ROBO2: variants seen among roughly 807,000 people sequenced by gnomAD.
ROBO2 encodes the protein roundabout guidance receptor 2.
Under a neutral mutation model 160.8 loss-of-function variants are expected in ROBO2, and 53 were observed. That is an observed-to-expected ratio of 0.33 (90% CI 0.26 to 0.41). The LOEUF (loss-of-function observed/expected upper bound fraction) is 0.41. Ranked by LOEUF, ROBO2 falls within the 10% of genes least tolerant of loss-of-function variation. ROBO2 has a pLI of 1.00. For synonymous variants in ROBO2, 664 were observed against 611.7 expected, an observed-to-expected ratio of 1.09 and a Z score of -1.26; for missense variants, 1,577 against 1,722.4, an observed-to-expected ratio of 0.92 and a Z score of 1.49.
chr3:77,552,880 T>C (rs1380275490), intron 8 of ROBO2, among the ~76,000 whole-genome samples: 7 of 152,036 alleles, frequency 4.6e-5, no homozygotes, highest in Non-Finnish European at 1.0e-4. Context: ...AATGATTTAA[T>C]ACTATCTGAG....
intron 2 of ROBO2, among the ~76,000 whole-genome samples, chr3:77,407,989 G>C (rs2076392234): frequency 6.6e-6 from 1 of 151,848 alleles, no homozygotes; most frequent in Non-Finnish European, 1.5e-5. Flanking sequence ...ATGCTGGAAA[G>C]GTGCATGCAC....
chr3:76,512,251 G>A (rs2081129434), intron 2 of ROBO2, among the ~76,000 whole-genome samples: 2 of 148,928 alleles, frequency 1.3e-5, no homozygotes, highest in South Asian at 2.1e-4. Context: ...ATATATATAT[G>A]GAACTTACTA....
chr3:77,041,191 A>G (rs1295854086), intron 1 of ROBO2, among the ~76,000 whole-genome samples: 2 of 152,226 alleles, frequency 1.3e-5, no homozygotes, highest in Middle Eastern at 3.2e-3. Context: ...CCTGCTCTCT[A>G]TTTGATGTTT....
intron 2 of ROBO2, among the ~76,000 whole-genome samples, chr3:76,755,760 T>C (rs1273147227): frequency 6.6e-6 from 1 of 151,886 alleles, no homozygotes; most frequent in Non-Finnish European, 1.5e-5. Flanking sequence ...TTTTGTTTTG[T>C]CCATGGGGTT....
chr3:76,442,031 C>T (rs1006152596), intron 2 of ROBO2, among the ~76,000 whole-genome samples: 6 of 152,198 alleles, frequency 3.9e-5, no homozygotes, highest in Non-Finnish European at 5.9e-5. Context: ...CCACCCCTTA[C>T]TTGCCTTTGA....
chr3:76,489,157 T>G (rs938636951), intron 2 of ROBO2, among the ~76,000 whole-genome samples: 7 of 150,076 alleles, frequency 4.7e-5, no homozygotes, highest in Non-Finnish European at 8.9e-5. Context: ...TTTTTTTGTT[T>G]TTTTTTTTGG....
intron 2 of ROBO2, among the ~76,000 whole-genome samples, chr3:77,292,504 A>G (rs558792824): frequency 6.6e-6 from 1 of 152,026 alleles, no homozygotes; most frequent in South Asian, 2.1e-4. Context: ...TAAAGACATA[A>G]AGTAAAATTG....
chr3:77,358,470 G>A (rs1034460027), intron 2 of ROBO2, among the ~76,000 whole-genome samples: 1 of 152,162 alleles, frequency 6.6e-6, no homozygotes, highest in African/African-American at 2.4e-5. Flanking sequence ...TGAGAATTAG[G>A]ACTTCAACAT....
chr3:76,467,295 A>T lies in ROBO2; in HGVS notation c.109+529693A>T, dbSNP rs188765041. Among the ~76,000 whole-genome samples the T allele has an allele frequency of 2.4e-4, 36 of 152,168 alleles. 1 individual carries two copies. Among genetic ancestry groups the T allele is most frequent in the Middle Eastern group, 6.8e-3 (2 of 294 alleles). ...CCAAAGGTGATTATTATTTTAAAAA[A>T]CTCATGGTTACTGTATAAAGCGTGT... On this transcript the variant is annotated intron_variant, in intron 2 of 26. Transcript: ENST00000487694.
intron 2 of ROBO2, among the ~76,000 whole-genome samples, chr3:77,239,200 A>G (rs962671938): frequency 1.3e-5 from 2 of 152,120 alleles, no homozygotes; most frequent in African/African-American, 4.8e-5. Context: ...TTCTGATGGT[A>G]GGACGTGTTC....
chr3:76,595,258 A>C (rs2108870190), intron 2 of ROBO2, among the ~76,000 whole-genome samples: 1 of 152,142 alleles, frequency 6.6e-6, no homozygotes, highest in African/African-American at 2.4e-5. Context: ...AAAATCAATA[A>C]ATATATTTCT....
intron 2 of ROBO2, chr3:77,317,246 C>G: frequency 2.6e-6 from 2 of 776,774 alleles, no homozygotes; most frequent in Non-Finnish European, 4.6e-6. Context: ...TTAATGTGCT[C>G]CCACTTGCAC....
rs574533989 is a variant in ROBO2, at chr3:76,162,219, A to G, written c.109+224617A>G. Reference sequence around the variant, plus strand: ...ATGCATCAAGTAACATACTGTCCATACAGCATATCAGTTAAGAGCAAGAAC... The same window carrying G: ...ATGCATCAAGTAACATACTGTCCATGCAGCATATCAGTTAAGAGCAAGAAC... On this transcript the variant is annotated intron_variant, in intron 2 of 26. Coordinates refer to the ROBO2 transcript ENST00000487694. 6.6e-5 allele frequency among the ~76,000 whole-genome samples: 10 copies of G among 152,338 alleles called. No individual in the cohort carries two copies. The East Asian group carries it at 1.7e-3, about 26-fold the overall frequency.
chr3:77,088,786 C>G (rs2069706515), intron 1 of ROBO2, among the ~76,000 whole-genome samples: 1 of 152,118 alleles, frequency 6.6e-6, no homozygotes, highest in South Asian at 2.1e-4. Context: ...TTGCTTTTGA[C>G]AGCAGATACA....
chr3:76,434,922 A>G (rs1020575618), intron 2 of ROBO2: 54 of 1,600,316 alleles, frequency 3.4e-5, no homozygotes, highest in Non-Finnish European at 7.7e-6. Context: ...ACCCCAAACC[A>G]GCCCATCCCC....
chr3:76,323,965 G>T (rs1467749946), intron 2 of ROBO2, among the ~76,000 whole-genome samples: 1 of 152,002 alleles, frequency 6.6e-6, no homozygotes, highest in Non-Finnish European at 1.5e-5. Context: ...TCTGTTTCAG[G>T]TCACTATTAT....
At chr3:76,002,278 A>C (rs1386826742) in intron 2 of ROBO2, among the ~76,000 whole-genome samples, 1 of 152,174 alleles carries the variant, frequency 6.6e-6, no homozygotes, top group African/African-American at 2.4e-5. Context: ...AGATGATGTG[A>C]AGATACAGGA....
At chr3:76,899,442 C>G (rs1452107883) in intron 2 of ROBO2, among the ~76,000 whole-genome samples, 2 of 152,096 alleles carry the variant, frequency 1.3e-5, no homozygotes, top group Non-Finnish European at 2.9e-5. Context: ...CGAAAGTTCT[C>G]TCTTACAGGG....
chr3:76,670,518 G>C (rs2092226018), intron 2 of ROBO2, among the ~76,000 whole-genome samples: 1 of 151,898 alleles, frequency 6.6e-6, no homozygotes, highest in Non-Finnish European at 1.5e-5. Flanking sequence ...TCAAAGCAGG[G>C]AGTTAAAGTC....
Sources: allele counts gnomAD v4.1 joint callset (sites outside exome capture counted in the v4.1 genomes callset), GRCh38; gene constraint gnomAD v4.1.1; transcripts MANE v1.5; gene names NCBI Gene and HGNC (gene_info 2026-07-23, HGNC 2026-07-21).